The following ACVR2A variants were observed in gnomAD, a reference collection of about 807,000 sequenced individuals.
The protein encoded by ACVR2A is activin A receptor type 2A.
In ACVR2A, 7 loss-of-function variants were observed where a neutral mutation model predicts 61.4. That is an observed-to-expected ratio of 0.11 (90% confidence interval 0.06 to 0.21). The LOEUF (loss-of-function observed/expected upper bound fraction) is 0.21, where lower values mean the gene tolerates loss of function less well. Among genes scored for constraint, ACVR2A ranks in the 10% least tolerant of loss-of-function variants. ACVR2A has a pLI of 1.00. For missense variants in ACVR2A, 322 were observed against 621.7 expected, an observed-to-expected ratio of 0.52 and a Z score of 5.13; for synonymous variants, 193 against 208.3, an observed-to-expected ratio of 0.93 and a Z score of 0.63.
At chr2:147,906,356 G>A (rs1364440539) in intron 4 of ACVR2A, among the ~76,000 whole-genome samples, 1 of 152,080 alleles carries the variant, frequency 6.6e-6, no homozygotes, top group East Asian at 1.9e-4. Flanking sequence ...TGGTAAAAGT[G>A]GCACGAGGAC....
At chr2:147,909,178 A>T (rs1687059205) in intron 4 of ACVR2A, among the ~76,000 whole-genome samples, 1 of 152,050 alleles carries the variant, frequency 6.6e-6, no homozygotes, top group South Asian at 2.1e-4. Context: ...TCCATTTTTC[A>T]AGGGTGTTCT....
Position 147,927,339 on chromosome 2 carries a change from C to G in ACVR2A, c.*65C>G, listed in dbSNP as rs1687527883. 2.8e-6 allele frequency: 4 copies of G among 1,423,914 alleles called. No individual in the cohort carries two copies. The South Asian group carries it at 4.0e-5, about 14-fold the overall frequency. 88.2% of individuals were successfully genotyped at this position (1,423,914 alleles called of 1,614,324 possible). On this transcript the variant is annotated 3_prime_UTR_variant, in exon 11 of 11. Coordinates refer to ENST00000241416, the MANE Select transcript of ACVR2A (RefSeq NM_001616.5). ...AACTGGAGCTGCTAAGCTAAAGAAA[C>G]TGCTTACAGTTTATTTTCTGTGTAA...
At chr2:147,874,971 T>A (rs901610662) in intron 1 of ACVR2A, among the ~76,000 whole-genome samples, 1 of 152,020 alleles carries the variant, frequency 6.6e-6, no homozygotes, top group Non-Finnish European at 1.5e-5. Flanking sequence ...TAGTTTTTGA[T>A]GACAAATTTC....
intron 1 of ACVR2A, among the ~76,000 whole-genome samples, chr2:147,882,637 T>A (rs1686333512): frequency 6.6e-6 from 1 of 152,234 alleles, no homozygotes; most frequent in African/African-American, 2.4e-5. Context: ...TCCTTACACA[T>A]GCCACATGCA....
At chr2:147,893,694 T>C (rs1686647814) in intron 1 of ACVR2A, among the ~76,000 whole-genome samples, 1 of 152,220 alleles carries the variant, frequency 6.6e-6, no homozygotes, top group African/African-American at 2.4e-5. Context: ...AGGACCTATT[T>C]GAATCTTTTG....
At chr2:147,862,342 C>T (rs1023900713) in intron 1 of ACVR2A, among the ~76,000 whole-genome samples, 1 of 151,630 alleles carries the variant, frequency 6.6e-6, no homozygotes, top group Non-Finnish European at 1.5e-5. Context: ...AACTATAAAT[C>T]CACATGTTAA....
chr2:147,885,164 C>T (rs1686398361), intron 1 of ACVR2A, among the ~76,000 whole-genome samples: 2 of 152,016 alleles, frequency 1.3e-5, no homozygotes, highest in African/African-American at 4.8e-5. Flanking sequence ...CTGTGCTAGG[C>T]ACTGATGATA....
chr2:147,883,554 AT>A (rs930341992), intron 1 of ACVR2A, among the ~76,000 whole-genome samples: 37 of 151,866 alleles, frequency 2.4e-4, no homozygotes, highest in Middle Eastern at 6.8e-3. Context: ...AGACATTGAG[AT>A]TTTTTTTTAA....
intron 4 of ACVR2A, among the ~76,000 whole-genome samples, chr2:147,912,090 C>G (rs575963385): frequency 1.3e-5 from 2 of 151,992 alleles, no homozygotes; most frequent in Non-Finnish European, 2.9e-5. Context: ...TTAAAATTCA[C>G]CCTTCAAATG....
intron 1 of ACVR2A, among the ~76,000 whole-genome samples, chr2:147,873,251 A>G (rs926144607): frequency 3.3e-5 from 5 of 151,996 alleles, no homozygotes; most frequent in African/African-American, 4.8e-5. Context: ...AGCAGCAAAC[A>G]TGAGCCAAAA....
chr2:147,927,271 A>G lies in ACVR2A; in HGVS notation c.1539A>G (p.Leu513=). ...NVDFPPKESS[L] The stretch of plus-strand genomic sequence containing the variant: ...ACTTTCCTCCCAAAGAATCTAGTCT[A>G]TGATGGTTGCGCCATCTGTGCACAC... The change falls in exon 11 of 11, where the codon CTA becomes CTG. Residue 513 remains leucine, a synonymous_variant. Transcript: ENST00000241416. The G allele has an allele frequency of 4.3e-6, 7 of 1,610,102 alleles. No homozygotes were observed. The highest frequency in any genetic ancestry group is 5.9e-6 in the Non-Finnish European group (7 of 1,177,814).
At chr2:147,874,676 A>G (rs1411388086) in intron 1 of ACVR2A, among the ~76,000 whole-genome samples, 1 of 151,992 alleles carries the variant, frequency 6.6e-6, no homozygotes, top group African/African-American at 2.4e-5. Flanking sequence ...ATCACATCCA[A>G]TTGGAGAACC....
At chr2:147,923,954 T>C (rs1050464433) in intron 9 of ACVR2A, among the ~76,000 whole-genome samples, 1 of 152,074 alleles carries the variant, frequency 6.6e-6, no homozygotes, top group Non-Finnish European at 1.5e-5. Flanking sequence ...TAGGCTCTCG[T>C]TGTAGGACAG....
chr2:147,854,048 A>G (rs1685507705), intron 1 of ACVR2A, among the ~76,000 whole-genome samples: 1 of 152,174 alleles, frequency 6.6e-6, no homozygotes, highest in African/African-American at 2.4e-5. Context: ...AGTCCCATTT[A>G]AAAGGATATG....
At chr2:147,866,206 G>GT (rs2105150977) in intron 1 of ACVR2A, among the ~76,000 whole-genome samples, 1 of 152,314 alleles carries the variant, frequency 6.6e-6, no homozygotes, top group East Asian at 1.9e-4. Context: ...AGCAGTGTAT[G>GT]TAAGGGAATG....
intron 1 of ACVR2A, among the ~76,000 whole-genome samples, chr2:147,862,868 T>C (rs906911656): frequency 6.6e-6 from 1 of 152,222 alleles, no homozygotes; most frequent in African/African-American, 2.4e-5. Flanking sequence ...TGGCAAGTTA[T>C]GTCACAGCAC....
intron 4 of ACVR2A, among the ~76,000 whole-genome samples, chr2:147,909,424 C>T (rs1687064041): frequency 2.0e-5 from 3 of 152,078 alleles, no homozygotes; most frequent in Admixed American, 2.0e-4. Flanking sequence ...TCATTCTTTT[C>T]TGATATTTGG....
At chr2:147,855,507 G>A (rs898477270) in intron 1 of ACVR2A, among the ~76,000 whole-genome samples, 2 of 152,222 alleles carry the variant, frequency 1.3e-5, no homozygotes, top group African/African-American at 2.4e-5. Context: ...TACTGGAAGA[G>A]TGTAGGAGGG....
chr2:147,905,314 A>G (rs1030414918), intron 4 of ACVR2A, among the ~76,000 whole-genome samples: 66 of 151,984 alleles, frequency 4.3e-4, no homozygotes, highest in African/African-American at 1.6e-3. Context: ...CTTTTGTTTT[A>G]TTATGTGTTT....
Sources: allele counts gnomAD v4.1 joint callset (sites outside exome capture counted in the v4.1 genomes callset), GRCh38; gene constraint gnomAD v4.1.1; transcripts MANE v1.5; gene names NCBI Gene and HGNC (gene_info 2026-07-23, HGNC 2026-07-21).